Variants in SGCZ observed in about 807,000 individuals in gnomAD.
The protein encoded by SGCZ is sarcoglycan zeta.
Under a neutral mutation model 41.3 loss-of-function variants are expected in SGCZ, and 40 were observed. That is an observed-to-expected ratio of 0.97 (90% CI 0.75 to 1.26). SGCZ has a LOEUF of 1.26. SGCZ is among the 50% of genes most tolerant of loss of function. SGCZ has a pLI of 0.00. For missense variants in SGCZ, 552 were observed against 369.8 expected, an observed-to-expected ratio of 1.49 and a Z score of -4.04; for synonymous variants, 206 against 137.5, an observed-to-expected ratio of 1.50 and a Z score of -3.49.
chr8:14,115,013 C>T (rs6988641), intron 5 of SGCZ, among the ~76,000 whole-genome samples: 148,932 of 152,056 alleles, frequency 0.98, 72,991 homozygotes, highest in East Asian at 1. Context: ...AAAAATTGTA[C>T]ATAAATAATC....
intron 2 of SGCZ, among the ~76,000 whole-genome samples, chr8:14,386,209 G>A (rs1735827236): frequency 6.6e-6 from 1 of 151,748 alleles, no homozygotes; most frequent in African/African-American, 2.4e-5. Flanking sequence ...AACACTTATT[G>A]AAGGTTGAAT....
At chr8:14,263,481 G>T (rs112384592) in intron 3 of SGCZ, among the ~76,000 whole-genome samples, 3 of 151,992 alleles carry the variant, frequency 2.0e-5, no homozygotes, top group African/African-American at 7.2e-5. Context: ...CCCAGGAGGC[G>T]GATGTTGCAG....
At chr8:14,832,795 A>G (rs1183489557) in intron 1 of SGCZ, among the ~76,000 whole-genome samples, 1 of 152,112 alleles carries the variant, frequency 6.6e-6, no homozygotes, top group Non-Finnish European at 1.5e-5. Flanking sequence ...TTTCAGAGAC[A>G]TAAATAATTC....
intron 1 of SGCZ, among the ~76,000 whole-genome samples, chr8:14,603,273 T>C (rs1466414791): frequency 1.3e-5 from 2 of 152,124 alleles, no homozygotes; most frequent in African/African-American, 2.4e-5. Context: ...AAATTAAAAG[T>C]AACTCAATTC....
intron 1 of SGCZ, among the ~76,000 whole-genome samples, chr8:15,172,179 T>TTTG (rs1355966928): frequency 7.0e-6 from 1 of 142,196 alleles, no homozygotes; most frequent in Non-Finnish European, 1.5e-5. Flanking sequence ...TTTTTTTTTT[T>TTTG]GAGACGGAGT....
At chr8:15,204,568 G>T (rs914268349) in intron 1 of SGCZ, among the ~76,000 whole-genome samples, 2 of 152,078 alleles carry the variant, frequency 1.3e-5, no homozygotes, top group African/African-American at 2.4e-5. Flanking sequence ...GCTTTCTTGT[G>T]AAGTCTTTCG....
intron 2 of SGCZ, among the ~76,000 whole-genome samples, chr8:14,333,386 C>A (rs1345507391): frequency 1.3e-5 from 2 of 151,934 alleles, no homozygotes; most frequent in African/African-American, 4.8e-5. Context: ...CTAAAAATTG[C>A]CATCTGTAAG....
At chr8:14,162,114 T>C (rs1804065518) in intron 5 of SGCZ, among the ~76,000 whole-genome samples, 1 of 152,196 alleles carries the variant, frequency 6.6e-6, no homozygotes, top group Admixed American at 6.6e-5. Flanking sequence ...TCGGGGCTAC[T>C]AAGCAAAAGC....
intron 1 of SGCZ, among the ~76,000 whole-genome samples, chr8:14,588,871 C>T (rs1325465999): frequency 6.6e-6 from 1 of 152,128 alleles, no homozygotes; most frequent in Non-Finnish European, 1.5e-5. Flanking sequence ...CAGTCTTAGT[C>T]TCTAATTAAA....
chr8:14,816,125 G>T (rs1280308740), intron 1 of SGCZ, among the ~76,000 whole-genome samples: 1 of 152,260 alleles, frequency 6.6e-6, no homozygotes, highest in Non-Finnish European at 1.5e-5. Flanking sequence ...ATATTGACAT[G>T]TTTACATTTT....
At chr8:14,186,284 A>T (rs1419008782) in intron 4 of SGCZ, among the ~76,000 whole-genome samples, 1 of 152,208 alleles carries the variant, frequency 6.6e-6, no homozygotes, top group Non-Finnish European at 1.5e-5. Context: ...ATTGAAGAAA[A>T]TTTTTTAAAC....
At chr8:14,279,883 C>T (rs1484300641) in intron 3 of SGCZ, among the ~76,000 whole-genome samples, 3 of 151,630 alleles carry the variant, frequency 2.0e-5, no homozygotes, top group Non-Finnish European at 4.4e-5. Flanking sequence ...AACAACTAGT[C>T]CCTGTGAAAA....
chr8:14,451,343 A>C (rs908231087), intron 2 of SGCZ, among the ~76,000 whole-genome samples: 2 of 152,184 alleles, frequency 1.3e-5, no homozygotes, highest in Non-Finnish European at 2.9e-5. Flanking sequence ...GTCTGTCATC[A>C]ATCTATTGTT....
At chr8:15,009,287 C>A (rs1802734566) in intron 1 of SGCZ, among the ~76,000 whole-genome samples, 1 of 152,250 alleles carries the variant, frequency 6.6e-6, no homozygotes, top group Non-Finnish European at 1.5e-5. Flanking sequence ...GGTGGAGGTG[C>A]AACACACTTT....
chr8:14,359,833 AT>A (rs1803442832), intron 2 of SGCZ, among the ~76,000 whole-genome samples: 1 of 152,010 alleles, frequency 6.6e-6, no homozygotes, highest in Admixed American at 6.5e-5. Flanking sequence ...AAAAAAACAA[AT>A]ATCCCGGATG....
Position 14,188,828 on chromosome 8 carries a change from T to G in SGCZ, c.425-24126A>C, listed in dbSNP as rs1424541693. Among the ~76,000 whole-genome samples the G allele has an allele frequency of 4.0e-4, 22 of 54,482 alleles. 1 individual carries two copies. Among genetic ancestry groups the G allele is most frequent in the South Asian group, 1.9e-3 (2 of 1,040 alleles). 35.7% of individuals were successfully genotyped at this position (54,482 alleles called of 152,430 possible). A position where few individuals can be genotyped will look rare whatever the true frequency, so the allele number is the denominator to read the frequency against. On this transcript the variant is annotated intron_variant, in intron 4 of 7. Coordinates refer to ENST00000382080, the MANE Select transcript of SGCZ (RefSeq NM_139167.4). ...TTTTTGTTTGTTTGTTTCTTTGTTT[T>G]TTTTTGTTTGTTTGTTTTTTGAGAT...
intron 1 of SGCZ, among the ~76,000 whole-genome samples, chr8:15,066,284 C>T (rs1408036952): frequency 2.0e-5 from 3 of 146,990 alleles, no homozygotes; most frequent in Non-Finnish European, 3.0e-5. Context: ...GTCCGCAGTC[C>T]GGCCTGGGCG....
At chr8:14,489,017 T>A (rs1422357614) in intron 2 of SGCZ, among the ~76,000 whole-genome samples, 1 of 144,522 alleles carries the variant, frequency 6.9e-6, no homozygotes, top group Non-Finnish European at 1.5e-5. Flanking sequence ...ATATATAATA[T>A]AAAGATAAAA....
chr8:14,889,019 T>C (rs1034627078), intron 1 of SGCZ, among the ~76,000 whole-genome samples: 2 of 152,154 alleles, frequency 1.3e-5, no homozygotes, highest in Non-Finnish European at 2.9e-5. Context: ...CAAAGTAACA[T>C]TGTATTTTGT....
Sources: gnomAD v4.1 joint callset for allele counts (sites outside exome capture counted in the v4.1 genomes callset) on GRCh38, gnomAD v4.1.1 for gene constraint, MANE v1.5 for transcripts, NCBI Gene and HGNC (gene_info 2026-07-23, HGNC 2026-07-21) for gene names.